IFI27L1: variants seen among roughly 807,000 people sequenced by gnomAD.
IFI27L1 encodes the protein interferon alpha inducible protein 27 like 1.
In IFI27L1, 3 loss-of-function variants were observed where a neutral mutation model predicts 9.2. That is an observed-to-expected ratio of 0.32 (90% CI 0.15 to 0.84). The LOEUF (loss-of-function observed/expected upper bound fraction) is 0.84, where lower values mean the gene tolerates loss of function less well. IFI27L1 is among the 40% of genes least tolerant of loss of function. IFI27L1 has a pLI of 0.56. For synonymous variants in IFI27L1, 53 were observed against 50.0 expected (o/e 1.06, Z -0.26); for missense variants, 133 against 134.2 (o/e 0.99, Z 0.05).
intron 3 of IFI27L1, 66 bp from the exon 4 acceptor site, chr14:94,101,748 A>T (rs1181629425): frequency 6.5e-7 from 1 of 1,548,714 alleles, no homozygotes; most frequent in Non-Finnish European, 8.9e-7. Context: ...TCGCCCCAGG[A>T]GGATGTCAGG....
intron 1 of IFI27L1, among the ~76,000 whole-genome samples, chr14:94,094,061 G>A (rs1886580684): frequency 6.6e-6 from 1 of 152,082 alleles, no homozygotes; most frequent in South Asian, 2.1e-4. Flanking sequence ...GAGGGAAAAT[G>A]AGCCCTGCAC....
intron 3 of IFI27L1, 94 bp from the exon 4 acceptor site, chr14:94,101,720 G>T: frequency 7.5e-7 from 1 of 1,340,044 alleles, no homozygotes. Context: ...TGAGAGCACA[G>T]CAGACCCCTC....
intron 1 of IFI27L1, among the ~76,000 whole-genome samples, chr14:94,087,173 T>G (rs571190361): frequency 7.9e-5 from 12 of 152,322 alleles, no homozygotes; most frequent in Admixed American, 3.3e-4. Context: ...CAAATAATAA[T>G]AATAACAACA....
In IFI27L1 at chr14:94,102,118, T is replaced by G. The variant is rs1395718446; in HGVS notation, c.223+143T>G. The G allele has an allele frequency of 1.1e-5, 10 of 874,220 alleles. No individual in the cohort carries two copies. In the East Asian group the frequency reaches 2.6e-4, roughly 22 times the overall value. The allele number at this position is 874,220 out of a possible 1,614,324, so 54.2% of individuals were successfully genotyped here. On this transcript the variant is annotated intron_variant, in intron 4 of 4. Coordinates refer to ENST00000555523, the MANE Select transcript of IFI27L1 (RefSeq NM_206949.3). Reference sequence around the variant, plus strand: ...TTTCTGTCACTGTCCCCTCTTCTGGTTGGAGGTGGGACCAGGGGTGCAGCC... The same window carrying G: ...TTTCTGTCACTGTCCCCTCTTCTGGGTGGAGGTGGGACCAGGGGTGCAGCC...
chr14:94,088,528 C>G (rs1022506516), intron 1 of IFI27L1, among the ~76,000 whole-genome samples: 12 of 140,492 alleles, frequency 8.5e-5, no homozygotes, highest in Non-Finnish European at 1.5e-4. Context: ...GAGACAGAGT[C>G]TTGCTCTGTC....
At chr14:94,102,024 G>A (rs541456241) in intron 4 of IFI27L1, 49 bp downstream of exon 4, 25 of 1,607,400 alleles carry the variant, frequency 1.6e-5, no homozygotes, top group South Asian at 5.5e-5. Context: ...ATCCAGCCCC[G>A]AGGCTGAACC....
At chr14:94,101,750 G>A in intron 3 of IFI27L1, 64 bp from the exon 4 acceptor site, 2 of 1,554,992 alleles carry the variant, frequency 1.3e-6, no homozygotes. Context: ...GCCCCAGGAG[G>A]ATGTCAGGGA....
chr14:94,086,998 A>C (rs1339414314), intron 1 of IFI27L1, among the ~76,000 whole-genome samples: 1 of 152,238 alleles, frequency 6.6e-6, no homozygotes, highest in Non-Finnish European at 1.5e-5. Flanking sequence ...TTGCAGTGGG[A>C]AAATTCATGC....
intron 1 of IFI27L1, among the ~76,000 whole-genome samples, chr14:94,087,293 C>G (rs1162439397): frequency 6.6e-6 from 1 of 152,188 alleles, no homozygotes; most frequent in Non-Finnish European, 1.5e-5. Flanking sequence ...TTGTGATGGC[C>G]TTTGTGCAAG....
At chr14:94,097,912 C>T (rs189403181) in intron 2 of IFI27L1, among the ~76,000 whole-genome samples, 7 of 152,268 alleles carry the variant, frequency 4.6e-5, no homozygotes, top group Non-Finnish European at 7.3e-5. Flanking sequence ...CTAGGCTGAG[C>T]ACATCAATCT....
chr14:94,086,263 A>G (rs933822351), intron 1 of IFI27L1, among the ~76,000 whole-genome samples: 26 of 152,110 alleles, frequency 1.7e-4, no homozygotes, highest in African/African-American at 4.8e-4. Flanking sequence ...CATGATCGTA[A>G]GCTTCCTGAG....
intron 1 of IFI27L1, among the ~76,000 whole-genome samples, chr14:94,094,136 A>G (rs1886583864): frequency 6.6e-6 from 1 of 152,194 alleles, no homozygotes; most frequent in Non-Finnish European, 1.5e-5. Flanking sequence ...TAGGAATGTT[A>G]GAGTCCTTCC....
At chr14:94,097,108 A>G (rs1886703331) in intron 2 of IFI27L1, 143 bp downstream of exon 2, 4 of 659,010 alleles carry the variant, frequency 6.1e-6, no homozygotes, top group Non-Finnish European at 1.0e-5. Context: ...TCAGGAATGA[A>G]TGACGGGATT....
At chr14:94,097,694 C>T (rs757605798) in intron 2 of IFI27L1, 31 of 702,078 alleles carry the variant, frequency 4.4e-5, no homozygotes, top group South Asian at 3.4e-4. Context: ...TAAGCATTCA[C>T]GGATAGATTG....
intron 3 of IFI27L1, chr14:94,101,409 G>A (rs1349782541): frequency 1.2e-5 from 3 of 249,080 alleles, no homozygotes; most frequent in African/African-American, 6.7e-5. Flanking sequence ...AGGGCCTTCA[G>A]GGCCTCCATC....
At chr14:94,082,646 C>T (rs531806555) in intron 1 of IFI27L1, among the ~76,000 whole-genome samples, 12 of 152,332 alleles carry the variant, frequency 7.9e-5, no homozygotes, top group Non-Finnish European at 1.2e-4. Context: ...TTAAGAATTA[C>T]GCTAAATATA....
chr14:94,098,870 A>G (rs1164703395), intron 2 of IFI27L1, among the ~76,000 whole-genome samples: 2 of 152,312 alleles, frequency 1.3e-5, no homozygotes, highest in South Asian at 2.1e-4. Flanking sequence ...GGCTGCTCTC[A>G]TTATCTTACA....
In IFI27L1 at chr14:94,081,330, C is replaced by G. The variant is rs1886095420; in HGVS notation, c.-171C>G. On this transcript the variant is annotated 5_prime_UTR_variant, in exon 1 of 5. Coordinates refer to ENST00000555523, the MANE Select transcript of IFI27L1 (RefSeq NM_206949.3). The stretch of plus-strand genomic sequence containing the variant: ...GCAGCAGTGCCGGCGGGAGAGCTGG[C>G]TTGGGGCGCTGGCACCTCCTCTTAC... 1 of 152,264 alleles carries G rather than the reference C, an allele frequency of 6.6e-6. No homozygotes were observed. Among genetic ancestry groups the G allele is most frequent in the Admixed American group, 6.5e-5 (1 of 15,286 alleles). 9.4% of individuals were successfully genotyped at this position (152,264 alleles called of 1,614,324 possible).
chr14:94,102,078 C>A, intron 4 of IFI27L1, 103 bp downstream of exon 4: 1 of 1,240,334 alleles, frequency 8.1e-7, no homozygotes, highest in Non-Finnish European at 1.2e-6. Context: ...TCCTCTGCCT[C>A]TTGGGCCCTT....
Sources: gnomAD v4.1 joint callset for allele counts (sites outside exome capture counted in the v4.1 genomes callset) on GRCh38, gnomAD v4.1.1 for gene constraint, MANE v1.5 for transcripts, NCBI Gene and HGNC (gene_info 2026-07-23, HGNC 2026-07-21) for gene names.